SLC16A6: variants seen among roughly 807,000 people sequenced by gnomAD.
SLC16A6 encodes solute carrier family 16 member 6, also known as monocarboxylate transporter 7.
A neutral mutation model predicts 33.8 loss-of-function variants in SLC16A6; 15 were observed. The ratio of observed to expected loss-of-function variants is 0.44; its 90% CI spans 0.30 to 0.68. SLC16A6 has a LOEUF of 0.68. Among genes scored for constraint, SLC16A6 ranks in the 30% least tolerant of loss-of-function variants. SLC16A6 has a pLI of 0.10. For synonymous variants in SLC16A6, 219 were observed against 248.4 expected (o/e 0.88, Z 1.11); for missense variants, 451 against 661.5 (o/e 0.68, Z 3.49).
chr17:68,283,750 C>T (rs190405793), intron 1 of SLC16A6, among the ~76,000 whole-genome samples: 26 of 151,640 alleles, frequency 1.7e-4, no homozygotes, highest in Admixed American at 1.4e-3. Flanking sequence ...TGGTGGCGCA[C>T]GCCTGTAATC....
chr17:68,281,857 T>C (rs1240723715), intron 1 of SLC16A6, among the ~76,000 whole-genome samples: 1 of 152,080 alleles, frequency 6.6e-6, no homozygotes, highest in Non-Finnish European at 1.5e-5. Context: ...AGTATGGAGC[T>C]TCCTCAAAAA....
At chr17:68,285,194 A>G (rs2075813328) in intron 1 of SLC16A6, among the ~76,000 whole-genome samples, 1 of 152,252 alleles carries the variant, frequency 6.6e-6, no homozygotes, top group Non-Finnish European at 1.5e-5. Context: ...CTCAGTAGCT[A>G]CTAAGACCAA....
At chr17:68,278,566 C>T (rs1284805150) in intron 1 of SLC16A6, among the ~76,000 whole-genome samples, 2 of 151,670 alleles carry the variant, frequency 1.3e-5, no homozygotes, top group Non-Finnish European at 2.9e-5. Context: ...TCCCAAGTAG[C>T]TGGGACTACA....
chr17:68,271,361 G>C lies in SLC16A6; in HGVS notation c.799C>G (p.Gln267Glu). ...CTGGGGCTGGTCTTCACCAGGACCTGCTGCATGTCGGCCTTCGGCTCCAGT... is the reference window on the plus strand; with the variant it reads ...CTGGGGCTGGTCTTCACCAGGACCTCCTGCATGTCGGCCTTCGGCTCCAGT... ...LELEPKADMQ[Q>E]VLVKTSPRPS... Residue 267 changes from glutamine to glutamate, a missense_variant, in exon 5 of 6, where the codon CAG becomes GAG. Gln to Glu is a conservative substitution (Grantham distance 29, BLOSUM62 2). Coordinates refer to ENST00000580666, the MANE Select transcript of SLC16A6 (RefSeq NM_004694.5). This position sits in a 1 kb window ranked among gnomAD's most constrained non-coding sequence, Gnocchi z 5.3. The C allele has an allele frequency of 5.6e-6, 9 of 1,614,254 alleles. No homozygotes were observed. The highest frequency in any genetic ancestry group is 7.6e-6 in the Non-Finnish European group (9 of 1,180,046).
At chr17:68,275,513 A>G (rs1290470537) in intron 2 of SLC16A6, among the ~76,000 whole-genome samples, 2 of 152,206 alleles carry the variant, frequency 1.3e-5, no homozygotes, top group East Asian at 1.9e-4. Flanking sequence ...ATCTTCTGGT[A>G]TAATAGTATT....
intron 3 of SLC16A6, 84 bp downstream of exon 3, chr17:68,273,843 G>A: frequency 6.8e-7 from 1 of 1,471,496 alleles, no homozygotes; most frequent in Non-Finnish European, 9.3e-7. Flanking sequence ...AAGAAATATA[G>A]TTTGGCTTTA....
intron 1 of SLC16A6, among the ~76,000 whole-genome samples, chr17:68,286,700 TC>T (rs1243308770): frequency 6.6e-6 from 1 of 152,078 alleles, no homozygotes; most frequent in Admixed American, 6.6e-5. Context: ...AGATGAGGTT[TC>T]AGTATGTTAG....
rs61745585 is a variant in SLC16A6, at chr17:68,271,465, C to T, written c.695G>A (p.Arg232Gln). The change falls in exon 5 of 6, where the codon CGA becomes CAA. Residue 232 changes from arginine to glutamine, a missense_variant. Arg to Gln is a conservative substitution (Grantham distance 43). Coordinates refer to ENST00000580666, the MANE Select transcript of SLC16A6 (RefSeq NM_004694.5). This position sits in a 1 kb window ranked among gnomAD's most constrained non-coding sequence, Gnocchi z 5.3. ...AQYMLENEKT[R>Q]TSIDSIDSGV... is the part of the protein sequence containing the mutation. ...TGAGTCAATGGAGTCTATTGAGGTT[C>T]GTGTTTTCTCATTTTCAAGCATATA... 14 of 1,613,924 alleles carry T rather than the reference C, an allele frequency of 8.7e-6. No individual in the cohort carries two copies. Among genetic ancestry groups the T allele is most frequent in the Admixed American group, 5.0e-5 (3 of 59,982 alleles).
chr17:68,275,938 G>A (rs1284516144), intron 2 of SLC16A6, among the ~76,000 whole-genome samples: 1 of 148,974 alleles, frequency 6.7e-6, no homozygotes, highest in Non-Finnish European at 1.5e-5. Flanking sequence ...AGCTGAGACC[G>A]CACCACTGCA....
chr17:68,280,138 C>T (rs1196185451), intron 1 of SLC16A6, among the ~76,000 whole-genome samples: 2 of 141,822 alleles, frequency 1.4e-5, no homozygotes, highest in Non-Finnish European at 1.5e-5. Flanking sequence ...GCTGAGACTG[C>T]ACCACTGCAC....
rs2075213471 is a variant in SLC16A6 at position 68,268,169 on chromosome 17, TA to T, written c.*926del. 6.6e-6 allele frequency: 1 copy of T among 152,366 alleles called. No individual in the cohort carries two copies. The highest frequency in any genetic ancestry group is 1.5e-5 in the Non-Finnish European group (1 of 68,020). 9.4% of individuals were successfully genotyped at this position (152,366 alleles called of 1,614,324 possible). A position where few individuals can be genotyped will look rare whatever the true frequency, so the allele number is the denominator to read the frequency against. ...GATAAGACGTATTCTGTGAGGCATT[TA>T]AAGGATTGCAGAAAGGAGGTAAAAA... On this transcript the variant is annotated 3_prime_UTR_variant, in exon 6 of 6. Transcript: ENST00000580666.
chr17:68,286,960 C>T (rs1481157026), intron 1 of SLC16A6, among the ~76,000 whole-genome samples: 1 of 152,170 alleles, frequency 6.6e-6, no homozygotes, highest in Non-Finnish European at 1.5e-5. Flanking sequence ...TATTCTATGA[C>T]AGCTGTTTAG....
intron 2 of SLC16A6, among the ~76,000 whole-genome samples, chr17:68,276,085 TTCTC>T (rs1187550733): frequency 6.6e-5 from 10 of 152,012 alleles, no homozygotes; most frequent in Admixed American, 3.3e-4. Flanking sequence ...CAAGATAAAT[TTCTC>T]TCTCTCTCTT....
intron 1 of SLC16A6, among the ~76,000 whole-genome samples, chr17:68,281,720 T>C (rs573834570): frequency 6.6e-6 from 1 of 152,188 alleles, no homozygotes; most frequent in Admixed American, 6.5e-5. Flanking sequence ...TGAGGTATCA[T>C]CTTACCTCAT....
chr17:68,280,501 C>G (rs1167962703), intron 1 of SLC16A6, among the ~76,000 whole-genome samples: 1 of 152,214 alleles, frequency 6.6e-6, no homozygotes, highest in Non-Finnish European at 1.5e-5. Flanking sequence ...CTACACCCAA[C>G]TGATTTTTGG....
chr17:68,279,053 T>A (rs1253190085), intron 1 of SLC16A6, among the ~76,000 whole-genome samples: 1 of 152,076 alleles, frequency 6.6e-6, no homozygotes, highest in Non-Finnish European at 1.5e-5. Context: ...AAAACAGACA[T>A]GAAGAACCAG....
intron 1 of SLC16A6, among the ~76,000 whole-genome samples, chr17:68,287,501 G>C (rs947407927): frequency 6.6e-6 from 1 of 152,126 alleles, no homozygotes; most frequent in African/African-American, 2.4e-5. Context: ...CTGAGCCACT[G>C]CTGGGAAGTT....
Position 68,278,089 on chromosome 17 carries a change from C to T in SLC16A6, c.232G>A (p.Ala78Thr). The change falls in exon 2 of 6, where the codon GCT becomes ACT. Residue 78 changes from alanine to threonine, a missense_variant and splice_region_variant. By Grantham distance (58) the Ala-to-Thr change is moderately conservative. Coordinates refer to ENST00000580666, the MANE Select transcript of SLC16A6 (RefSeq NM_004694.5). ...TGGTTAGGCCGAAAGATGTACTAAC[C>T]TGAAAATGTTAAGACAAACACACAG... is the stretch of plus-strand genomic sequence containing the variant. ...SICVFVLTFSAPLATVLSNRF... is the reference protein window; with the variant it reads ...SICVFVLTFSTPLATVLSNRF... The T allele has an allele frequency of 1.2e-6, 2 of 1,610,262 alleles. No homozygotes were observed. The highest frequency in any genetic ancestry group is 1.7e-6 in the Non-Finnish European group (2 of 1,176,720).
At chr17:68,287,983 CTCCT>C (rs1440684365) in intron 1 of SLC16A6, among the ~76,000 whole-genome samples, 5 of 150,374 alleles carry the variant, frequency 3.3e-5, no homozygotes, top group African/African-American at 1.2e-4. Flanking sequence ...CCCTCCCTCC[CTCCT>C]TTCTTTTTTT....
Sources: gnomAD v4.1 joint callset for allele counts (sites outside exome capture counted in the v4.1 genomes callset) on GRCh38, gnomAD v4.1.1 for gene constraint, Gnocchi (gnomAD v3.1) non-coding constraint, MANE v1.5 for transcripts, NCBI Gene and HGNC (gene_info 2026-07-23, HGNC 2026-07-21) for gene names.